PTPRD: variants seen among roughly 807,000 people sequenced by gnomAD.
PTPRD encodes protein tyrosine phosphatase receptor type D, also known as receptor-type tyrosine-protein phosphatase delta.
PTPRD carries 34 observed loss-of-function variants against 214.5 expected under a neutral mutation model. That is an observed-to-expected ratio of 0.16 (90% confidence interval 0.12 to 0.21). The LOEUF is 0.21. PTPRD is among the 10% of genes least tolerant of loss of function. PTPRD has a pLI of 1.00. For missense variants in PTPRD, 2,545 were observed against 2,398.7 expected (o/e 1.06, Z -1.27); for synonymous variants, 1,128 against 845.7 (o/e 1.33, Z -5.79).
rs140067519 is a variant in PTPRD, at chr9:9,711,290, C to G, written c.-287+23243G>C. ...TGTATTCTTGTTTATATCAATTAAC[C>G]TTTGGTAAAATTGGTTTCCTAATAT... On this transcript the variant is annotated intron_variant, in intron 7 of 45. Transcript: ENST00000381196. Among the ~76,000 whole-genome samples the G allele has an allele frequency of 9.8e-3, 1,490 of 152,096 alleles. 70 individuals are homozygous for G. Among genetic ancestry groups the G allele is most frequent in the East Asian group, 0.074 (383 of 5,172 alleles).
intron 2 of PTPRD, among the ~76,000 whole-genome samples, chr9:10,379,781 G>C (rs1031864179): frequency 3.3e-5 from 5 of 152,078 alleles, no homozygotes; most frequent in Middle Eastern, 3.4e-3. Flanking sequence ...ACATAATGTA[G>C]TTTGAACTAT....
intron 7 of PTPRD, among the ~76,000 whole-genome samples, chr9:9,595,325 TATATATA>T (rs2093222579): frequency 1.2e-5 from 1 of 80,598 alleles, no homozygotes; most frequent in African/African-American, 3.0e-5. Flanking sequence ...ATATATTTTA[TATATATA>T]ATATATATTG....
chr9:9,565,882 A>T (rs1201328345), intron 8 of PTPRD, among the ~76,000 whole-genome samples: 1 of 151,948 alleles, frequency 6.6e-6, no homozygotes, highest in African/African-American at 2.4e-5. Flanking sequence ...ATGACCAAGT[A>T]ACCCTACTTA....
chr9:9,888,260 T>A (rs569670864), intron 5 of PTPRD, among the ~76,000 whole-genome samples: 2 of 152,238 alleles, frequency 1.3e-5, no homozygotes, highest in East Asian at 3.9e-4. Context: ...CCAAGAAAGG[T>A]GTTCCTGTCA....
chr9:10,202,485 A>G (rs1052861701), intron 3 of PTPRD, among the ~76,000 whole-genome samples: 5 of 151,140 alleles, frequency 3.3e-5, no homozygotes, highest in Non-Finnish European at 7.4e-5. Flanking sequence ...TAAAATGAAA[A>G]AAAAAAACTT....
chr9:8,721,593 G>C (rs932044521), intron 12 of PTPRD, among the ~76,000 whole-genome samples: 3 of 151,618 alleles, frequency 2.0e-5, no homozygotes, highest in African/African-American at 7.3e-5. Flanking sequence ...TATAATAATG[G>C]CTAATGTTTA....
At chr9:10,522,839 T>A (rs1235474029) in intron 2 of PTPRD, among the ~76,000 whole-genome samples, 1 of 151,980 alleles carries the variant, frequency 6.6e-6, no homozygotes, top group Non-Finnish European at 1.5e-5. Context: ...AAATAAAAAA[T>A]TAATGCATAA....
intron 11 of PTPRD, among the ~76,000 whole-genome samples, chr9:8,853,006 C>A (rs2097848863): frequency 1.3e-5 from 2 of 151,968 alleles, no homozygotes; most frequent in African/African-American, 4.8e-5. Context: ...ACGTAAAGTA[C>A]ATAATGTCTA....
chr9:10,401,441 C>T (rs962572726), intron 2 of PTPRD, among the ~76,000 whole-genome samples: 15 of 150,956 alleles, frequency 9.9e-5, no homozygotes, highest in South Asian at 2.1e-4. Context: ...CATTCCTAAA[C>T]GGATAAAATT....
intron 21 of PTPRD, among the ~76,000 whole-genome samples, chr9:8,511,367 C>T (rs768926760): frequency 1.3e-5 from 2 of 152,072 alleles, no homozygotes; most frequent in Non-Finnish European, 2.9e-5. Flanking sequence ...CACTGTGCCT[C>T]GCCTTCTTAC....
At chr9:10,082,950 T>C (rs1315326225) in intron 3 of PTPRD, among the ~76,000 whole-genome samples, 1 of 151,920 alleles carries the variant, frequency 6.6e-6, no homozygotes. Flanking sequence ...AAACGACAGT[T>C]CTTACTTTAA....
chr9:9,510,528 T>C (rs2154243484), intron 8 of PTPRD, among the ~76,000 whole-genome samples: 1 of 151,760 alleles, frequency 6.6e-6, no homozygotes, highest in African/African-American at 2.4e-5. Context: ...TCACTTAAGG[T>C]ACTTCATTTT....
intron 11 of PTPRD, among the ~76,000 whole-genome samples, chr9:8,796,617 G>C (rs958753218): frequency 6.6e-6 from 1 of 152,078 alleles, no homozygotes; most frequent in Non-Finnish European, 1.5e-5. Flanking sequence ...TAACTTAAAA[G>C]CCATAACTTA....
At chr9:8,598,590 A>T (rs1032064425) in intron 14 of PTPRD, among the ~76,000 whole-genome samples, 2 of 152,252 alleles carry the variant, frequency 1.3e-5, no homozygotes, top group African/African-American at 4.8e-5. Flanking sequence ...CTTAGAAAAC[A>T]GGCTAGGAAA....
At position 9,884,977 on chromosome 9, in the gene PTPRD, C is replaced by T. The variant is rs548694725; in HGVS notation, c.-368+53530G>A. ...TTAGCAGTGTGAGAACGGACTAATA[C>T]AAGGTGGCTTTCAGAAAAGCAAAGA... On this transcript the variant is annotated intron_variant, in intron 5 of 45. Transcript: ENST00000381196. Among the ~76,000 whole-genome samples the T allele has an allele frequency of 2.0e-5, 3 of 152,110 alleles. No individual in the cohort carries two copies. In the South Asian group the frequency reaches 6.2e-4, roughly 32 times the overall value.
intron 9 of PTPRD, among the ~76,000 whole-genome samples, chr9:9,383,605 G>A (rs1340617776): frequency 1.3e-5 from 2 of 152,102 alleles, no homozygotes; most frequent in South Asian, 4.1e-4. Context: ...AGAAAAAATT[G>A]TGATTCATAT....
At chr9:8,643,022 C>A (rs1019744483) in intron 12 of PTPRD, among the ~76,000 whole-genome samples, 2 of 152,154 alleles carry the variant, frequency 1.3e-5, no homozygotes, top group African/African-American at 2.4e-5. Flanking sequence ...GACAGTGAAT[C>A]TGTCACATGA....
At chr9:9,189,609 G>A (rs1463107683) in intron 9 of PTPRD, among the ~76,000 whole-genome samples, 1 of 151,756 alleles carries the variant, frequency 6.6e-6, no homozygotes, top group South Asian at 2.1e-4. Context: ...TGTCTATATG[G>A]TTATCTCTTT....
chr9:9,314,762 T>A (rs191929109), intron 9 of PTPRD, among the ~76,000 whole-genome samples: 1 of 152,226 alleles, frequency 6.6e-6, no homozygotes, highest in East Asian at 1.9e-4. Context: ...ATTTTCATTC[T>A]CTAATTTAAC....
Sources: allele counts gnomAD v4.1 joint callset (sites outside exome capture counted in the v4.1 genomes callset), GRCh38; gene constraint gnomAD v4.1.1; transcripts MANE v1.5; gene names NCBI Gene and HGNC (gene_info 2026-07-23, HGNC 2026-07-21).